Variants in BRAF observed in about 807,000 individuals in gnomAD.
BRAF encodes the protein serine/threonine-protein kinase B-raf.
BRAF carries 16 observed loss-of-function variants against 104.6 expected under a neutral mutation model. The ratio of observed to expected loss-of-function variants is 0.15; its 90% CI spans 0.10 to 0.23. The LOEUF is 0.23. Among genes scored for constraint, BRAF ranks in the 10% least tolerant of loss-of-function variants. The probability of loss-of-function intolerance (pLI) is 1.00; values close to 1 mark genes in which losing one functional copy is unlikely to be tolerated. For missense variants in BRAF, 541 were observed against 937.3 expected (o/e 0.58, Z 5.52); for synonymous variants, 310 against 341.6 (o/e 0.91, Z 1.02).
At chr7:140,740,042 C>T (rs1796779590) in intron 17 of BRAF, 96 bp from the exon 17 acceptor site, 3 of 1,340,974 alleles carry the variant, frequency 2.2e-6, no homozygotes, top group Non-Finnish European at 2.1e-6. Context: ...TGTACATTTA[C>T]AGCTTACGAT....
intron 1 of BRAF, among the ~76,000 whole-genome samples, chr7:140,921,772 A>G (rs1238046912): frequency 1.3e-5 from 2 of 148,958 alleles, no homozygotes; most frequent in Non-Finnish European, 3.0e-5. Flanking sequence ...TTTTTTTTAG[A>G]TGAAATTTCC....
At chr7:140,812,102 T>C (rs1586252971) in intron 3 of BRAF, among the ~76,000 whole-genome samples, 2 of 152,020 alleles carry the variant, frequency 1.3e-5, no homozygotes, top group South Asian at 4.2e-4. Context: ...TCTTTGTTTT[T>C]AATTTTTTAC....
chr7:140,735,061 T>C (rs1468805610), intron 18 of BRAF, among the ~76,000 whole-genome samples: 1 of 152,222 alleles, frequency 6.6e-6, no homozygotes, highest in Non-Finnish European at 1.5e-5. Flanking sequence ...TTTTAGATCA[T>C]TTGTTAGTCT....
intron 3 of BRAF, among the ~76,000 whole-genome samples, chr7:140,822,013 G>A (rs1296486279): frequency 6.6e-6 from 1 of 152,080 alleles, no homozygotes; most frequent in East Asian, 1.9e-4. Context: ...AGAAACCGGA[G>A]GCTACTAGAG....
intron 3 of BRAF, among the ~76,000 whole-genome samples, chr7:140,818,497 G>C (rs1805126760): frequency 6.6e-6 from 1 of 151,902 alleles, no homozygotes. Context: ...ACTTTTAATA[G>C]AAACAGGATT....
Position 140,924,769 on chromosome 7 carries a change from G to C in BRAF, c.-66C>G. 1.7e-6 allele frequency: 1 copy of C among 601,224 alleles called. No homozygotes were observed. Among genetic ancestry groups the C allele is most frequent in the Middle Eastern group, 4.3e-4 (1 of 2,336 alleles). 37.2% of individuals were successfully genotyped at this position (601,224 alleles called of 1,614,324 possible). A position where few individuals can be genotyped will look rare whatever the true frequency, so the allele number is the denominator to read the frequency against. ...CGGGGAGGGGGAAGGGAGGCGGAGAGCTGGGGGAGGCGGAGGCGGAGGCGG... is the reference window on the plus strand; with the variant it reads ...CGGGGAGGGGGAAGGGAGGCGGAGACCTGGGGGAGGCGGAGGCGGAGGCGG... On this transcript the variant is annotated 5_prime_UTR_variant, in exon 1 of 20. Transcript: ENST00000644969. This position sits in a 1 kb window ranked among gnomAD's most constrained non-coding sequence, Gnocchi z 4.2.
In BRAF at chr7:140,721,040, G is replaced by A. The variant is rs892612738; in HGVS notation, c.*5454C>T. On this transcript the variant is annotated 3_prime_UTR_variant, in exon 20 of 20. Coordinates refer to ENST00000644969, the MANE Select transcript of BRAF (RefSeq NM_001374258.1). ...TACTACCATGAATAAACATATTTTA[G>A]TTGTTTTCAGAGCACTTCTATCTAC... 5.6e-6 allele frequency: 6 copies of A among 1,063,344 alleles called. No individual in the cohort carries two copies. The highest frequency in any genetic ancestry group is 5.7e-6 in the Non-Finnish European group (5 of 878,200). 65.9% of individuals were successfully genotyped at this position (1,063,344 alleles called of 1,614,324 possible). A position where few individuals can be genotyped will look rare whatever the true frequency, so the allele number is the denominator to read the frequency against.
Position 140,782,105 on chromosome 7 carries a change from TGTGTCC to T in BRAF, c.1435-418_1435-413del, listed in dbSNP as rs1800935792. Among the ~76,000 whole-genome samples, 3 of 152,136 alleles carry T rather than the reference TGTGTCC, an allele frequency of 2.0e-5. No individual in the cohort carries two copies. In the South Asian group the frequency reaches 6.2e-4, roughly 32 times the overall value. On this transcript the variant is annotated intron_variant, in intron 11 of 19. Coordinates refer to ENST00000644969, the MANE Select transcript of BRAF (RefSeq NM_001374258.1). Reference sequence around the variant, plus strand: ...TCCCAGTGTGTGATGTTCCCTGCCCTGTGTCCAAGTGTTCTCACTGTTCAATTCCCA... The same window carrying T: ...TCCCAGTGTGTGATGTTCCCTGCCCTAAGTGTTCTCACTGTTCAATTCCCA...
chr7:140,730,035 G>A (rs996167355), intron 19 of BRAF, among the ~76,000 whole-genome samples: 1 of 152,000 alleles, frequency 6.6e-6, no homozygotes, highest in African/African-American at 2.4e-5. Flanking sequence ...CCATAGTTCA[G>A]GAATCAATAA....
At chr7:140,863,369 AG>A in intron 1 of BRAF, among the ~76,000 whole-genome samples, 1 of 152,340 alleles carries the variant, frequency 6.6e-6, no homozygotes. Flanking sequence ...AGGGGAGAGT[AG>A]AAACAAGATG....
chr7:140,900,307 AG>A (rs1212385099), intron 1 of BRAF, among the ~76,000 whole-genome samples: 1 of 152,220 alleles, frequency 6.6e-6, no homozygotes, highest in Non-Finnish European at 1.5e-5. Flanking sequence ...TTGAGTCTTA[AG>A]AAATTCTTCT....
At chr7:140,802,025 G>A (rs1385308395) in intron 5 of BRAF, among the ~76,000 whole-genome samples, 3 of 152,102 alleles carry the variant, frequency 2.0e-5, no homozygotes, top group South Asian at 2.1e-4. Context: ...AAAATATTGG[G>A]GGAGAGGAGG....
At position 140,720,747 on chromosome 7, in the gene BRAF, C is replaced by T. The variant is rs1260464262; in HGVS notation, c.*5747G>A. On this transcript the variant is annotated 3_prime_UTR_variant, in exon 20 of 20. Transcript: ENST00000644969. ...GTTTATGCTAGTTTGCAGTGACTTC[C>T]AACTCATACTCCACCAAAACACACG... 9.4e-7 allele frequency: 1 copy of T among 1,065,794 alleles called. No individual in the cohort carries two copies. The highest frequency in any genetic ancestry group is 1.1e-6 in the Non-Finnish European group (1 of 879,702). 66.0% of individuals were successfully genotyped at this position (1,065,794 alleles called of 1,614,324 possible). A position where few individuals can be genotyped will look rare whatever the true frequency, so the allele number is the denominator to read the frequency against.
intron 14 of BRAF, among the ~76,000 whole-genome samples, chr7:140,758,827 A>G (rs920320613): frequency 3.3e-5 from 5 of 152,344 alleles, no homozygotes; most frequent in African/African-American, 1.2e-4. Context: ...GGACAGTTTT[A>G]AAAGTTTCAA....
At chr7:140,801,327 C>T in intron 6 of BRAF, 85 bp downstream of exon 6, 1 of 1,488,970 alleles carries the variant, frequency 6.7e-7, no homozygotes, top group South Asian at 1.2e-5. Flanking sequence ...AAAACCCTCA[C>T]AGACTTTTAG....
intron 1 of BRAF, among the ~76,000 whole-genome samples, chr7:140,900,093 G>C (rs1174858265): frequency 6.6e-6 from 1 of 152,194 alleles, no homozygotes; most frequent in Non-Finnish European, 1.5e-5. Flanking sequence ...GCCACTCTCA[G>C]TTTCCTGACC....
At chr7:140,779,548 AT>A (rs2129021101) in intron 12 of BRAF, among the ~76,000 whole-genome samples, 1 of 152,326 alleles carries the variant, frequency 6.6e-6, no homozygotes, top group African/African-American at 2.4e-5. Flanking sequence ...AACATATGAA[AT>A]CCTCCAATAA....
chr7:140,883,014 GTAAATAAATAAATAAA>G (rs34394570), intron 1 of BRAF, among the ~76,000 whole-genome samples: 28 of 148,752 alleles, frequency 1.9e-4, no homozygotes, highest in African/African-American at 5.5e-4. Context: ...ATAAAATAAA[GTAAATAAATAAATAAA>G]TAAATAAATA....
Position 140,859,929 on chromosome 7 carries a change from C to T in BRAF, c.139-9717G>A, listed in dbSNP as rs182707144. On this transcript the variant is annotated intron_variant, in intron 1 of 19. Transcript: ENST00000644969. ...GTCTTGATCTCTTGACCTCGTGATCCGTCCGCTTCAGCCTCCCAAAGTGCT... is the reference window on the plus strand; with the variant it reads ...GTCTTGATCTCTTGACCTCGTGATCTGTCCGCTTCAGCCTCCCAAAGTGCT... Among the ~76,000 whole-genome samples, 57 of 152,234 alleles carry T rather than the reference C, an allele frequency of 3.7e-4. 1 individual carries two copies. Among genetic ancestry groups the T allele is most frequent in the Middle Eastern group, 3.4e-3 (1 of 294 alleles).
Sources: gnomAD v4.1 joint callset for allele counts (sites outside exome capture counted in the v4.1 genomes callset) on GRCh38, gnomAD v4.1.1 for gene constraint, Gnocchi (gnomAD v3.1) non-coding constraint, MANE v1.5 for transcripts, NCBI Gene and HGNC (gene_info 2026-07-23, HGNC 2026-07-21) for gene names.